MUSK: variants seen among roughly 807,000 people sequenced by gnomAD.
MUSK encodes muscle, skeletal receptor tyrosine-protein kinase.
MUSK carries 55 observed loss-of-function variants against 88.7 expected under a neutral mutation model. The ratio of observed to expected loss-of-function variants is 0.62; its 90% CI spans 0.50 to 0.78. The LOEUF is 0.78. Among genes scored for constraint, MUSK ranks in the 30% least tolerant of loss-of-function variants. The pLI, the probability that MUSK is intolerant of heterozygous loss-of-function variation, is 0.00. For synonymous variants in MUSK, 387 were observed against 391.9 expected, an observed-to-expected ratio of 0.99 and a Z score of 0.15; for missense variants, 1,015 against 1,074.3, an observed-to-expected ratio of 0.94 and a Z score of 0.77.
At chr9:110,753,293 A>T (rs1260650846) in intron 7 of MUSK, among the ~76,000 whole-genome samples, 1 of 151,998 alleles carries the variant, frequency 6.6e-6, no homozygotes, top group East Asian at 1.9e-4. Context: ...TTAGCCAGGT[A>T]TGGTGACGCA....
In MUSK at chr9:110,668,946, T is replaced by C; in HGVS notation, c.42T>C (p.Thr14=). 2 of 1,613,854 alleles carry C rather than the reference T, an allele frequency of 1.2e-6. No individual in the cohort carries two copies. Among genetic ancestry groups the C allele is most frequent in the Non-Finnish European group, 8.5e-7 (1 of 1,179,758 alleles). Residue 14 remains threonine (T), a synonymous_variant, in exon 1 of 15, where the codon ACT becomes ACC. Transcript: ENST00000374448. ...ACATTCCACTGGTACATATTCTTAC[T>C]CTGGTTGCCTTCAGCGGAACTGAGA... ...LVNIPLVHIL[T]LVAFSGTEKL...
chr9:110,760,765 T>A (rs935319851), intron 7 of MUSK, among the ~76,000 whole-genome samples: 8 of 152,024 alleles, frequency 5.3e-5, no homozygotes, highest in African/African-American at 2.4e-5. Flanking sequence ...AATAAAAAGC[T>A]CATAAAGATT....
chr9:110,777,005 G>C (rs2077682383), intron 11 of MUSK, among the ~76,000 whole-genome samples: 1 of 152,044 alleles, frequency 6.6e-6, no homozygotes, highest in Non-Finnish European at 1.5e-5. Flanking sequence ...ATTATGTATA[G>C]ATGAAACCCA....
At position 110,675,829 on chromosome 9, in the gene MUSK, C is replaced by T. The variant is rs867652720; in HGVS notation, c.80-6845C>T. ...CCCCGCCTCGGCCTCCCAAAGTGCTCGGATTACAGGCGTGAGCCACCGCAC... is the reference window on the plus strand; with the variant it reads ...CCCCGCCTCGGCCTCCCAAAGTGCTTGGATTACAGGCGTGAGCCACCGCAC... On this transcript the variant is annotated intron_variant, in intron 1 of 14. Transcript: ENST00000374448. Among the ~76,000 whole-genome samples the T allele has an allele frequency of 4.8e-5, 7 of 144,374 alleles. No individual in the cohort carries two copies. The Middle Eastern group carries it at 0.012, about 249-fold the overall frequency. 94.7% of individuals were successfully genotyped at this position (144,374 alleles called of 152,430 possible). A position where few individuals can be genotyped will look rare whatever the true frequency, so the allele number is the denominator to read the frequency against.
intron 7 of MUSK, among the ~76,000 whole-genome samples, chr9:110,751,710 G>A (rs1161988423): frequency 1.3e-5 from 2 of 151,980 alleles, no homozygotes; most frequent in African/African-American, 2.4e-5. Flanking sequence ...TCTGGACAGG[G>A]GTATGTTTAC....
At chr9:110,773,224 G>T (rs1444573612) in intron 9 of MUSK, among the ~76,000 whole-genome samples, 1 of 151,876 alleles carries the variant, frequency 6.6e-6, no homozygotes, top group Non-Finnish European at 1.5e-5. Context: ...CATGGAAAAA[G>T]AAAAAAGGAA....
chr9:110,772,128 CTTAA>C (rs1478066688), intron 9 of MUSK, among the ~76,000 whole-genome samples: 1 of 149,956 alleles, frequency 6.7e-6, no homozygotes, highest in Non-Finnish European at 1.5e-5. Context: ...AACTATAAAT[CTTAA>C]TTAGATTCTA....
Position 110,788,613 on chromosome 9 carries a change from CA to C in MUSK, c.1927+776del, listed in dbSNP as rs1453115480. On this transcript the variant is annotated intron_variant, in intron 14 of 14. Coordinates refer to ENST00000374448, the MANE Select transcript of MUSK (RefSeq NM_005592.4). The stretch of plus-strand genomic sequence containing the variant: ...CACCACTGCACCACAGCCTGGGTGA[CA>C]GAGTGAGATTCCATCTTTAAAAAAG... Among the ~76,000 whole-genome samples, 11 of 149,524 alleles carry C rather than the reference CA, an allele frequency of 7.4e-5. No individual in the cohort carries two copies. The East Asian group carries it at 1.8e-3, about 24-fold the overall frequency.
In MUSK at chr9:110,737,549, T is replaced by A. The variant is rs576582148; in HGVS notation, c.753+3174T>A. ...ATCTATTTTCAATAACAGAAATGGT[T>A]TTGTCTTTTAGTAGGCTATCATGAT... On this transcript the variant is annotated intron_variant, in intron 6 of 14. Transcript: ENST00000374448. Among the ~76,000 whole-genome samples the A allele has an allele frequency of 1.8e-3, 280 of 152,170 alleles. 1 individual carries two copies. Among genetic ancestry groups the A allele is most frequent in the African/African-American group, 6.5e-3 (269 of 41,566 alleles).
At chr9:110,715,656 AT>A (rs2076734182) in intron 5 of MUSK, among the ~76,000 whole-genome samples, 1 of 148,482 alleles carries the variant, frequency 6.7e-6, no homozygotes, top group South Asian at 2.1e-4. Context: ...ATATTATTTT[AT>A]TTTCATAGTG....
In MUSK at chr9:110,784,932, T is replaced by G; in HGVS notation, c.1502T>G (p.Met501Arg). 1 of 1,613,928 alleles carries G rather than the reference T, an allele frequency of 6.2e-7. No homozygotes were observed. The highest frequency in any genetic ancestry group is 8.5e-7 in the Non-Finnish European group (1 of 1,179,830). The change falls in exon 12 of 15, where the codon ATG (methionine) becomes AGG (arginine). Residue 501 changes from methionine (M) to arginine (R), a missense_variant. Coordinates refer to ENST00000374448, the MANE Select transcript of MUSK (RefSeq NM_005592.4). ...TCCATGACTGTAATAATCTCCATCA[T>G]GTCCAGCTTTGCAATATTTGTGCTT... is the stretch of plus-strand genomic sequence containing the variant. ...TYSMTVIISI[M>R]SSFAIFVLLT...
chr9:110,747,569 C>T (rs2077188644), intron 6 of MUSK, 72 bp from the exon 7 acceptor site: 1 of 1,432,678 alleles, frequency 7.0e-7, no homozygotes, highest in South Asian at 1.3e-5. Flanking sequence ...AATGCTTTTC[C>T]CTTCAAATCT....
intron 5 of MUSK, among the ~76,000 whole-genome samples, chr9:110,732,390 C>T (rs1213400196): frequency 2.0e-5 from 3 of 151,940 alleles, no homozygotes; most frequent in Admixed American, 6.6e-5. Flanking sequence ...CACTACGATG[C>T]CTGTCAGTGT....
At chr9:110,722,466 G>A (rs914924312) in intron 5 of MUSK, among the ~76,000 whole-genome samples, 1 of 151,892 alleles carries the variant, frequency 6.6e-6, no homozygotes, top group African/African-American at 2.4e-5. Flanking sequence ...GGAGGTGGAG[G>A]TTGCAGTGAT....
chr9:110,805,494 A>G lies in MUSK; in HGVS notation c.*4506A>G, dbSNP rs1030661397. On this transcript the variant is annotated 3_prime_UTR_variant, in exon 15 of 15. Transcript: ENST00000374448. ...GATTGGTGATTTGCCTCCTACTATTATTTTTCTACTGGGTATATCTTTTTC... is the reference window on the plus strand; with the variant it reads ...GATTGGTGATTTGCCTCCTACTATTGTTTTTCTACTGGGTATATCTTTTTC... 6.6e-5 allele frequency among the ~76,000 whole-genome samples: 10 copies of G among 151,792 alleles called. No individual in the cohort carries two copies.
At chr9:110,755,504 T>C (rs761252602) in intron 7 of MUSK, among the ~76,000 whole-genome samples, 52 of 152,188 alleles carry the variant, frequency 3.4e-4, no homozygotes, top group Non-Finnish European at 5.6e-4. Flanking sequence ...TTATGCCTTT[T>C]AGAATCTCCT....
intron 5 of MUSK, among the ~76,000 whole-genome samples, chr9:110,714,517 G>A (rs558788910): frequency 1.3e-5 from 2 of 152,170 alleles, no homozygotes; most frequent in South Asian, 2.1e-4. Flanking sequence ...AGCCACAGTG[G>A]GTAAACCTCT....
chr9:110,693,687 C>A (rs941034327), intron 3 of MUSK, among the ~76,000 whole-genome samples: 3 of 152,186 alleles, frequency 2.0e-5, no homozygotes, highest in African/African-American at 7.2e-5. Context: ...TCACCCCTCA[C>A]CTAACAGATG....
Position 110,801,162 on chromosome 9 carries a change from C to T in MUSK, c.*174C>T, listed in dbSNP as rs142159915. 36 of 500,738 alleles carry T rather than the reference C, an allele frequency of 7.2e-5. No individual in the cohort carries two copies. Among genetic ancestry groups the T allele is most frequent in the Admixed American group, 4.1e-4 (11 of 26,808 alleles). 31.0% of individuals were successfully genotyped at this position (500,738 alleles called of 1,614,324 possible). A position where few individuals can be genotyped will look rare whatever the true frequency, so the allele number is the denominator to read the frequency against. On this transcript the variant is annotated 3_prime_UTR_variant, in exon 15 of 15. Transcript: ENST00000374448. ...GACAGTGCAAAACCCATGTGGTAGA[C>T]GGACCCATTGAAAGCCAGTGATTGG... is the stretch of plus-strand genomic sequence containing the variant.
Sources: gnomAD v4.1 joint callset for allele counts (sites outside exome capture counted in the v4.1 genomes callset) on GRCh38, gnomAD v4.1.1 for gene constraint, MANE v1.5 for transcripts, NCBI Gene and HGNC (gene_info 2026-07-23, HGNC 2026-07-21) for gene names.